AIMP1: variants seen among roughly 807,000 people sequenced by gnomAD.
AIMP1 encodes the protein aminoacyl tRNA synthetase complex interacting multifunctional protein 1, also known as aminoacyl tRNA synthase complex-interacting multifunctional protein 1.
In AIMP1, 24 loss-of-function variants were observed where a neutral mutation model predicts 33.1. That is an observed-to-expected ratio of 0.73 (90% confidence interval 0.53 to 1.02). The LOEUF (loss-of-function observed/expected upper bound fraction) is 1.02, where lower values mean the gene tolerates loss of function less well. Ranked by LOEUF, AIMP1 falls within the 50% of genes least tolerant of loss-of-function variation. The pLI is 0.00. For synonymous variants in AIMP1, 120 were observed against 121.5 expected (o/e 0.99, Z 0.08); for missense variants, 367 against 364.8 (o/e 1.01, Z -0.05).
chr4:106,317,162 GA>G (rs1334934671), intron 1 of AIMP1, among the ~76,000 whole-genome samples: 1 of 152,188 alleles, frequency 6.6e-6, no homozygotes, highest in Non-Finnish European at 1.5e-5. Flanking sequence ...AGGTCTTGCT[GA>G]AAAGATGACT....
upstream of AIMP1, chr4:106,316,344 G>C: frequency 1.7e-6 from 1 of 585,296 alleles, no homozygotes; most frequent in Non-Finnish European, 3.1e-6. Flanking sequence ...GAGAGAAAGA[G>C]GTGCGGGGGG....
At chr4:106,319,094 A>G (rs1453006534) in intron 1 of AIMP1, among the ~76,000 whole-genome samples, 2 of 152,236 alleles carry the variant, frequency 1.3e-5, no homozygotes, top group African/African-American at 4.8e-5. Context: ...TAGGGAAATT[A>G]GAGGTTTTGA....
At chr4:106,343,193 T>G (rs1284255379) in intron 6 of AIMP1, among the ~76,000 whole-genome samples, 8 of 152,184 alleles carry the variant, frequency 5.3e-5, no homozygotes, top group African/African-American at 1.9e-4. Flanking sequence ...ATTTATCAAT[T>G]TTCTAATTTG....
intron 1 of AIMP1, among the ~76,000 whole-genome samples, chr4:106,319,438 G>A (rs544773900): frequency 3.8e-4 from 58 of 152,226 alleles, no homozygotes; most frequent in Admixed American, 1.8e-3. Context: ...TAGAGGCATC[G>A]TATGATTAAT....
In AIMP1 at chr4:106,327,451, T is replaced by C. The variant is rs757575428; in HGVS notation, c.110T>C (p.Ile37Thr). ...QQVSLLKEKA[I>T]LQATLREEKK... ...TTTAACTGGATGTTCTTGATCCTAG[T>C]TTTGCAGGCAACTTTGAGGGAAGAG... The change falls in exon 3 of 7, where the codon ATT (isoleucine) becomes ACT (threonine). Residue 37 changes from isoleucine (I) to threonine (T), a missense_variant and splice_region_variant. Physicochemically the swap from Ile to Thr is moderately conservative, Grantham distance 89 (BLOSUM62 -1). Transcript: ENST00000672341. 6.2e-7 allele frequency: 1 copy of C among 1,608,680 alleles called. No individual in the cohort carries two copies. The highest frequency in any genetic ancestry group is 8.5e-7 in the Non-Finnish European group (1 of 1,175,630).
intron 6 of AIMP1, among the ~76,000 whole-genome samples, chr4:106,340,063 A>C (rs1770037043): frequency 6.6e-6 from 1 of 152,210 alleles, no homozygotes; most frequent in African/African-American, 2.4e-5. Context: ...TATAAGAGGA[A>C]GGACCTGATA....
Position 106,347,677 on chromosome 4 carries a change from C to G in AIMP1, c.924C>G (p.Asn308Lys), listed in dbSNP as rs773053923. 6.2e-7 allele frequency: 1 copy of G among 1,612,810 alleles called. No individual in the cohort carries two copies. Among genetic ancestry groups the G allele is most frequent in the Non-Finnish European group, 8.5e-7 (1 of 1,179,406 alleles). ...TATGTAGGGCTCAAACCATGAGCAA[C>G]AGTGGAATCAAATAAAATGCTTCCA... ...KGVCRAQTMS[N>K]SGIK Residue 308 changes from asparagine (N) to lysine (K), a missense_variant, in exon 7 of 7, where the codon AAC becomes AAG. Asn to Lys is a moderately conservative substitution (Grantham distance 94). Transcript: ENST00000672341.
intron 4 of AIMP1, among the ~76,000 whole-genome samples, chr4:106,329,034 C>T (rs1294465114): frequency 6.8e-6 from 1 of 146,124 alleles, no homozygotes; most frequent in Non-Finnish European, 1.5e-5. Context: ...TATACTTAAA[C>T]TTATTTACTT....
Position 106,320,024 on chromosome 4 carries a change from G to A in AIMP1, c.-26+3430G>A, listed in dbSNP as rs552369259. Among the ~76,000 whole-genome samples the A allele has an allele frequency of 9.3e-4, 141 of 152,182 alleles. 3 individuals are homozygous for A. The highest frequency in any genetic ancestry group is 8.3e-3 in the South Asian group (40 of 4,828). ...TATAATGGAGATTATTACAGTATTC[G>A]AAATTGACTTGTGTAAAGCATTTAG... On this transcript the variant is annotated intron_variant, in intron 1 of 6. Coordinates refer to ENST00000672341, the MANE Select transcript of AIMP1 (RefSeq NM_001142416.2).
chr4:106,341,542 TAGAG>T (rs35069410), intron 6 of AIMP1, among the ~76,000 whole-genome samples: 20,538 of 152,140 alleles, frequency 0.13, 1,615 homozygotes, highest in South Asian at 0.24. Context: ...ATTTATTGAA[TAGAG>T]AGTTTTTTTC....
chr4:106,340,899 C>G (rs1302828101), intron 6 of AIMP1, among the ~76,000 whole-genome samples: 1 of 152,114 alleles, frequency 6.6e-6, no homozygotes, highest in Non-Finnish European at 1.5e-5. Flanking sequence ...AATTTGCATT[C>G]CCTTTTCTCT....
intron 5 of AIMP1, among the ~76,000 whole-genome samples, chr4:106,332,614 C>T (rs1262438528): frequency 6.9e-6 from 1 of 144,674 alleles, no homozygotes; most frequent in African/African-American, 2.5e-5. Flanking sequence ...TACAGAGATA[C>T]ATATATATAT....
intron 6 of AIMP1, among the ~76,000 whole-genome samples, chr4:106,340,666 A>G (rs1197020329): frequency 6.6e-6 from 1 of 152,196 alleles, no homozygotes; most frequent in African/African-American, 2.4e-5. Flanking sequence ...CATGTGTACC[A>G]CATTTTTTTA....
intron 6 of AIMP1, among the ~76,000 whole-genome samples, chr4:106,337,516 G>A (rs987161502): frequency 1.4e-4 from 22 of 152,108 alleles, no homozygotes; most frequent in African/African-American, 5.1e-4. Context: ...TGCCATGATC[G>A]TGAGGCCTCT....
intron 2 of AIMP1, among the ~76,000 whole-genome samples, chr4:106,326,269 CAAAT>C (rs1398749169): frequency 6.6e-6 from 1 of 152,108 alleles, no homozygotes; most frequent in African/African-American, 2.4e-5. Context: ...AATCTAGACT[CAAAT>C]AATTATTAAT....
At chr4:106,341,793 A>G (rs762287981) in intron 6 of AIMP1, among the ~76,000 whole-genome samples, 3 of 152,150 alleles carry the variant, frequency 2.0e-5, no homozygotes, top group Non-Finnish European at 2.9e-5. Flanking sequence ...ATTCCACGCA[A>G]ATTTTAGAAA....
At position 106,340,921 on chromosome 4, in the gene AIMP1, A is replaced by G. The variant is rs545166849; in HGVS notation, c.772+3884A>G. The stretch of plus-strand genomic sequence containing the variant: ...ATTCCCTTTTCTCTTCCACCTCACC[A>G]ACATCTTATTTTTGTTTTTTGTCTT... On this transcript the variant is annotated intron_variant, in intron 6 of 6. Transcript: ENST00000672341. 2.5e-4 allele frequency among the ~76,000 whole-genome samples: 38 copies of G among 152,130 alleles called. No individual in the cohort carries two copies. In the South Asian group the frequency reaches 7.7e-3, roughly 31 times the overall value.
At chr4:106,316,322 G>C, upstream of AIMP1, 2 of 547,142 alleles carry the variant, frequency 3.7e-6, no homozygotes. Context: ...GCCACGAAAG[G>C]ACATATAGCG....
At chr4:106,316,399 G>T (rs1218612206), upstream of AIMP1, 2 of 729,364 alleles carry the variant, frequency 2.7e-6, no homozygotes, top group African/African-American at 3.5e-5. Context: ...AATGGAAGAC[G>T]AGGAGCGTGG....
Sources: allele counts gnomAD v4.1 joint callset (sites outside exome capture counted in the v4.1 genomes callset), GRCh38; gene constraint gnomAD v4.1.1; transcripts MANE v1.5; gene names NCBI Gene and HGNC (gene_info 2026-07-23, HGNC 2026-07-21).